Variants in DDHD1 observed in about 807,000 individuals in gnomAD.
DDHD1 encodes phospholipase DDHD1.
Under a neutral mutation model 96.4 loss-of-function variants are expected in DDHD1, and 49 were observed. That is an observed-to-expected ratio of 0.51 (90% CI 0.40 to 0.64). The LOEUF (loss-of-function observed/expected upper bound fraction) is 0.64. Ranked by LOEUF, DDHD1 falls within the 30% of genes least tolerant of loss-of-function variation. DDHD1 has a pLI of 0.00. For missense variants in DDHD1, 1,106 were observed against 1,161.2 expected (o/e 0.95, Z 0.69); for synonymous variants, 442 against 446.5 (o/e 0.99, Z 0.13).
At chr14:53,152,231 G>T (rs1226928101) in intron 1 of DDHD1, 30 bp downstream of exon 1, 2 of 1,566,350 alleles carry the variant, frequency 1.3e-6, no homozygotes, top group Admixed American at 1.8e-5. Flanking sequence ...GGGGCAGCCC[G>T]TCCTGCCCTA....
At chr14:53,073,672 A>C in intron 5 of DDHD1, 69 bp downstream of exon 5, 1 of 1,375,148 alleles carries the variant, frequency 7.3e-7, no homozygotes, top group Non-Finnish European at 1.0e-6. Flanking sequence ...GTGTTTTCTA[A>C]AACTTTCTGC....
chr14:53,077,495 A>G (rs1259206759), intron 4 of DDHD1, among the ~76,000 whole-genome samples: 2 of 152,138 alleles, frequency 1.3e-5, no homozygotes, highest in Non-Finnish European at 1.5e-5. Flanking sequence ...TTTCAAAATA[A>G]CAAGTCATTA....
chr14:53,134,827 C>T (rs1018041975), intron 1 of DDHD1, among the ~76,000 whole-genome samples: 2 of 152,026 alleles, frequency 1.3e-5, no homozygotes, highest in African/African-American at 4.8e-5. Context: ...TTTATTCAGA[C>T]CTTGTATCTT....
At position 53,103,820 on chromosome 14, in the gene DDHD1, A is replaced by T; in HGVS notation, c.875T>A (p.Phe292Tyr). 1 of 1,611,766 alleles carries T rather than the reference A, an allele frequency of 6.2e-7. No homozygotes were observed. The highest frequency in any genetic ancestry group is 8.5e-7 in the Non-Finnish European group (1 of 1,179,214). ...DKIPVMRGQW[F>Y]IDGTWQPLEE... ...TAGAGGCTGCCAAGTGCCGTCAATA[A>T]ACCACTGTCCACGCATTACTGGTAT... is the stretch of plus-strand genomic sequence containing the variant. Residue 292 changes from phenylalanine to tyrosine, a missense_variant, in exon 2 of 13, where the codon TTT becomes TAT. Coordinates refer to ENST00000673822, the MANE Select transcript of DDHD1 (RefSeq NM_001160148.2).
chr14:53,070,817 C>A (rs1566536679), intron 6 of DDHD1, among the ~76,000 whole-genome samples: 1 of 152,026 alleles, frequency 6.6e-6, no homozygotes, highest in Admixed American at 6.6e-5. Context: ...GATCTTTGTA[C>A]AGAAAACATA....
intron 6 of DDHD1, among the ~76,000 whole-genome samples, chr14:53,065,390 C>A (rs1883935032): frequency 6.6e-6 from 1 of 151,354 alleles, no homozygotes; most frequent in Non-Finnish European, 1.5e-5. Flanking sequence ...ATTCTCTTTA[C>A]AATTCTTCAA....
intron 1 of DDHD1, among the ~76,000 whole-genome samples, chr14:53,144,203 A>G (rs564250026): frequency 1.3e-5 from 2 of 152,264 alleles, no homozygotes; most frequent in Non-Finnish European, 2.9e-5. Context: ...ATATTCTAAA[A>G]TATAAAGTCC....
intron 4 of DDHD1, among the ~76,000 whole-genome samples, chr14:53,084,730 T>C (rs1158776639): frequency 6.6e-6 from 1 of 152,188 alleles, no homozygotes; most frequent in Non-Finnish European, 1.5e-5. Flanking sequence ...AGGTGATTTC[T>C]GCATCTCCAA....
At chr14:53,060,032 A>AAGTAATGGAGATAGATTC (rs1376798844) in intron 8 of DDHD1, among the ~76,000 whole-genome samples, 3 of 152,120 alleles carry the variant, frequency 2.0e-5, no homozygotes, top group African/African-American at 7.2e-5. Context: ...AACACTTTGT[A>AAGTAATGGAGATAGATTC]AGTAATGGAG....
chr14:53,069,679 A>G (rs1167869146), intron 6 of DDHD1, among the ~76,000 whole-genome samples: 2 of 152,228 alleles, frequency 1.3e-5, no homozygotes, highest in African/African-American at 2.4e-5. Flanking sequence ...ACCTACATAT[A>G]TAAGTAATAC....
At chr14:53,110,478 GT>G in intron 1 of DDHD1, among the ~76,000 whole-genome samples, 1 of 152,238 alleles carries the variant, frequency 6.6e-6, no homozygotes, top group South Asian at 2.1e-4. Context: ...TGGGATGCTT[GT>G]GCCTATTTTC....
At chr14:53,084,726 T>G (rs910547515) in intron 4 of DDHD1, among the ~76,000 whole-genome samples, 1 of 152,190 alleles carries the variant, frequency 6.6e-6, no homozygotes, top group African/African-American at 2.4e-5. Context: ...AGACAGGTGA[T>G]TTCTGCATCT....
At chr14:53,140,693 G>T (rs546422592) in intron 1 of DDHD1, among the ~76,000 whole-genome samples, 4 of 152,090 alleles carry the variant, frequency 2.6e-5, no homozygotes, top group African/African-American at 9.7e-5. Context: ...GAACAAAGGG[G>T]ACAAATAGAA....
chr14:53,143,446 C>T (rs769956273), intron 1 of DDHD1, among the ~76,000 whole-genome samples: 2 of 152,164 alleles, frequency 1.3e-5, no homozygotes, highest in African/African-American at 4.8e-5. Flanking sequence ...AAAGGGTACA[C>T]TTGCCAGCAG....
At position 53,046,286 on chromosome 14, in the gene DDHD1, A is replaced by C. The variant is rs995843382; in HGVS notation, c.*482T>G. 2 of 152,392 alleles carry C rather than the reference A, an allele frequency of 1.3e-5. No homozygotes were observed. The highest frequency in any genetic ancestry group is 1.9e-4 in the East Asian group (1 of 5,196). 9.4% of individuals were successfully genotyped at this position (152,392 alleles called of 1,614,324 possible). On this transcript the variant is annotated 3_prime_UTR_variant, in exon 13 of 13. Coordinates refer to ENST00000673822, the MANE Select transcript of DDHD1 (RefSeq NM_001160148.2). ...AGTTTTTCTAAACAAGTTAAATTCAAAACATTTTAAATCTGTTATATTTTT... is the reference window on the plus strand; with the variant it reads ...AGTTTTTCTAAACAAGTTAAATTCACAACATTTTAAATCTGTTATATTTTT...
chr14:53,067,714 C>G (rs927666206), intron 6 of DDHD1, among the ~76,000 whole-genome samples: 7 of 152,220 alleles, frequency 4.6e-5, no homozygotes, highest in Non-Finnish European at 8.8e-5. Context: ...GCCTTGGCCT[C>G]CCAAAGTGTT....
intron 1 of DDHD1, among the ~76,000 whole-genome samples, chr14:53,143,475 CCAAA>C (rs1890776947): frequency 6.6e-6 from 1 of 152,186 alleles, no homozygotes; most frequent in African/African-American, 2.4e-5. Context: ...TGAGAGTGCA[CCAAA>C]CAAAGGAGAC....
chr14:53,152,276 G>A lies in DDHD1; in HGVS notation c.823C>T (p.Pro275Ser), dbSNP rs750798202. ...CGCTACTCACGGTTCCAGTACACCG[G>A]GTAGCACTCTCCTTGGGTCACATCC... ...EVDVTQGECY[P>S]VYWNQADKIP... The change falls in exon 1 of 13, where the codon CCG (proline) becomes TCG (serine). Residue 275 changes from proline (P) to serine (S), a missense_variant. Coordinates refer to ENST00000673822, the MANE Select transcript of DDHD1 (RefSeq NM_001160148.2). 6.2e-7 allele frequency: 1 copy of A among 1,610,112 alleles called. No individual in the cohort carries two copies. The highest frequency in any genetic ancestry group is 1.1e-5 in the South Asian group (1 of 90,274).
In DDHD1 at chr14:53,065,117, A is replaced by T. The variant is rs147484253; in HGVS notation, c.1504-1912T>A. The stretch of plus-strand genomic sequence containing the variant: ...GAACCTCTTACACAGTAAGCACTGG[A>T]TAGCTTTTCAAAAGTTTAAAACAAT... On this transcript the variant is annotated intron_variant, in intron 6 of 12. Coordinates refer to ENST00000673822, the MANE Select transcript of DDHD1 (RefSeq NM_001160148.2). Among the ~76,000 whole-genome samples, 90 of 152,308 alleles carry T rather than the reference A, an allele frequency of 5.9e-4. 5 individuals are homozygous for T. In the East Asian group the frequency reaches 0.017, roughly 29 times the overall value.
Sources: gnomAD v4.1 joint callset for allele counts (sites outside exome capture counted in the v4.1 genomes callset) on GRCh38, gnomAD v4.1.1 for gene constraint, MANE v1.5 for transcripts, NCBI Gene and HGNC (gene_info 2026-07-23, HGNC 2026-07-21) for gene names.